Variants in OXR1 observed in about 807,000 individuals in gnomAD.
OXR1 encodes the protein oxidation resistance protein 1.
In OXR1, 41 loss-of-function variants were observed where a neutral mutation model predicts 104.6. That is an observed-to-expected ratio of 0.39 (90% confidence interval 0.31 to 0.51). The LOEUF is 0.51. Among genes scored for constraint, OXR1 ranks in the 20% least tolerant of loss-of-function variants. OXR1 has a pLI of 0.77. For missense variants in OXR1, 955 were observed against 1,031.9 expected, an observed-to-expected ratio of 0.93 and a Z score of 1.02; for synonymous variants, 348 against 348.4, an observed-to-expected ratio of 1.00 and a Z score of 0.01.
chr8:106,360,741 T>A (rs1241270975), intron 2 of OXR1, among the ~76,000 whole-genome samples: 1 of 152,128 alleles, frequency 6.6e-6, no homozygotes, highest in Non-Finnish European at 1.5e-5. Context: ...TTATTAAAAT[T>A]AAAAGTTTTT....
intron 2 of OXR1, among the ~76,000 whole-genome samples, chr8:106,482,176 C>T (rs1330964446): frequency 6.6e-6 from 1 of 151,824 alleles, no homozygotes; most frequent in Non-Finnish European, 1.5e-5. Context: ...CATCAAGCTG[C>T]CCTCATGGCC....
At chr8:106,612,517 T>A (rs1820891704) in intron 3 of OXR1, among the ~76,000 whole-genome samples, 1 of 152,184 alleles carries the variant, frequency 6.6e-6, no homozygotes, top group Non-Finnish European at 1.5e-5. Context: ...TTTCTTATTA[T>A]GATCTGAGAA....
At chr8:106,271,873 C>G (rs1032514806) in intron 1 of OXR1, 2 of 152,158 alleles carry the variant, frequency 1.3e-5, no homozygotes, top group Admixed American at 1.3e-4. Context: ...GGAGTCCCGG[C>G]CGTCAGAGGG....
At chr8:106,281,044 C>T (rs1812258902) in intron 1 of OXR1, among the ~76,000 whole-genome samples, 1 of 152,128 alleles carries the variant, frequency 6.6e-6, no homozygotes, top group African/African-American at 2.4e-5. Context: ...CATACCACCC[C>T]AGATTTTTCT....
At chr8:106,493,591 A>C (rs1399301543) in intron 2 of OXR1, among the ~76,000 whole-genome samples, 1 of 150,836 alleles carries the variant, frequency 6.6e-6, no homozygotes, top group Admixed American at 6.6e-5. Context: ...TGAATTCTCC[A>C]TTTGAAAAAA....
At chr8:106,705,793 C>T (rs935314570) in intron 8 of OXR1, among the ~76,000 whole-genome samples, 3 of 152,090 alleles carry the variant, frequency 2.0e-5, no homozygotes, top group Non-Finnish European at 2.9e-5. Flanking sequence ...AACAAGTTCT[C>T]TTAGAGGTAT....
chr8:106,723,188 T>C (rs944217807), intron 11 of OXR1, among the ~76,000 whole-genome samples: 1 of 152,036 alleles, frequency 6.6e-6, no homozygotes, highest in African/African-American at 2.4e-5. Flanking sequence ...AAATCCCATC[T>C]CTATTAAAAA....
intron 11 of OXR1, among the ~76,000 whole-genome samples, chr8:106,731,430 TTAA>T (rs1244906311): frequency 6.6e-6 from 1 of 152,188 alleles, no homozygotes; most frequent in Non-Finnish European, 1.5e-5. Flanking sequence ...GAAATTCAAC[TTAA>T]TAATTTTCTT....
intron 2 of OXR1, among the ~76,000 whole-genome samples, chr8:106,381,170 T>C (rs1362774731): frequency 6.6e-6 from 1 of 152,170 alleles, no homozygotes; most frequent in African/African-American, 2.4e-5. Context: ...GGACTGGAAC[T>C]AAATATAAGT....
At chr8:106,328,291 GAT>G (rs1814562628) in intron 1 of OXR1, among the ~76,000 whole-genome samples, 1 of 152,174 alleles carries the variant, frequency 6.6e-6, no homozygotes, top group African/African-American at 2.4e-5. Flanking sequence ...GCTCAACTGA[GAT>G]AGGAAAGGTG....
chr8:106,527,082 A>G (rs1813742724), intron 3 of OXR1, among the ~76,000 whole-genome samples: 1 of 152,220 alleles, frequency 6.6e-6, no homozygotes. Context: ...TTATGAGACC[A>G]TAAACAAAGT....
intron 2 of OXR1, among the ~76,000 whole-genome samples, chr8:106,453,238 T>C (rs1820421498): frequency 6.6e-6 from 1 of 152,150 alleles, no homozygotes; most frequent in African/African-American, 2.4e-5. Context: ...CACCCATGGA[T>C]CTCTCTCTCC....
intron 3 of OXR1, among the ~76,000 whole-genome samples, chr8:106,606,370 G>A (rs1301460525): frequency 3.3e-5 from 5 of 151,540 alleles, no homozygotes; most frequent in Non-Finnish European, 7.4e-5. Context: ...GTGTAATCTC[G>A]GATCACTGCA....
intron 3 of OXR1, among the ~76,000 whole-genome samples, chr8:106,580,157 T>G (rs1391189857): frequency 1.3e-5 from 2 of 152,206 alleles, no homozygotes; most frequent in Non-Finnish European, 1.5e-5. Context: ...GGTTCAGTAG[T>G]GTGAAGAATA....
At chr8:106,473,629 A>G (rs777760469) in intron 2 of OXR1, among the ~76,000 whole-genome samples, 4 of 151,882 alleles carry the variant, frequency 2.6e-5, no homozygotes, top group Non-Finnish European at 5.9e-5. Context: ...TATGATCTCA[A>G]ATCTATAGGA....
chr8:106,656,417 C>T (rs1182042985), intron 3 of OXR1: 2 of 152,234 alleles, frequency 1.3e-5, no homozygotes, highest in Non-Finnish European at 2.9e-5. Flanking sequence ...TATAAGGGCA[C>T]TAATCGCATT....
chr8:106,578,987 CTTTT>C (rs71307073), intron 3 of OXR1, among the ~76,000 whole-genome samples: 2 of 137,906 alleles, frequency 1.5e-5, no homozygotes, highest in Non-Finnish European at 1.5e-5. Flanking sequence ...CTTTTTCTTT[CTTTT>C]TTTTTTTTTT....
intron 2 of OXR1, among the ~76,000 whole-genome samples, chr8:106,416,996 G>A (rs560354558): frequency 2.0e-5 from 3 of 152,202 alleles, no homozygotes; most frequent in African/African-American, 7.2e-5. Context: ...ACGTGACAAA[G>A]AAACAAGGTT....
At chr8:106,590,884 G>A (rs924094826) in intron 3 of OXR1, among the ~76,000 whole-genome samples, 4 of 152,150 alleles carry the variant, frequency 2.6e-5, no homozygotes, top group South Asian at 2.1e-4. Flanking sequence ...CGATAGCCAG[G>A]TGTGCCCATC....
Sources: gnomAD v4.1 joint callset for allele counts (sites outside exome capture counted in the v4.1 genomes callset) on GRCh38, gnomAD v4.1.1 for gene constraint, MANE v1.5 for transcripts, NCBI Gene and HGNC (gene_info 2026-07-23, HGNC 2026-07-21) for gene names.